ENOX1: variants seen among roughly 807,000 people sequenced by gnomAD.
ENOX1 encodes the protein ecto-NOX disulfide-thiol exchanger 1.
Under a neutral mutation model 82.5 loss-of-function variants are expected in ENOX1, and 42 were observed. The ratio of observed to expected loss-of-function variants is 0.51; its 90% confidence interval spans 0.40 to 0.66. The LOEUF is 0.66. Ranked by LOEUF, ENOX1 falls within the 30% of genes least tolerant of loss-of-function variation. ENOX1 has a pLI of 0.00. For synonymous variants in ENOX1, 271 were observed against 282.2 expected, an observed-to-expected ratio of 0.96 and a Z score of 0.40; for missense variants, 608 against 811.6, an observed-to-expected ratio of 0.75 and a Z score of 3.05.
chr13:43,283,673 C>T (rs2045530747), intron 12 of ENOX1, among the ~76,000 whole-genome samples: 1 of 150,076 alleles, frequency 6.7e-6, no homozygotes. Flanking sequence ...TGGTCTCAAA[C>T]TCCTGGGCTC....
intron 13 of ENOX1, among the ~76,000 whole-genome samples, 158 bp from the exon 14 acceptor site, chr13:43,265,612 T>C (rs898619611): frequency 6.6e-6 from 1 of 152,266 alleles, no homozygotes; most frequent in Non-Finnish European, 1.5e-5. Flanking sequence ...ATGAGCCTTA[T>C]TGGAGCCAGT....
intron 5 of ENOX1, among the ~76,000 whole-genome samples, chr13:43,373,756 C>T (rs956932021): frequency 1.3e-5 from 2 of 152,236 alleles, no homozygotes; most frequent in African/African-American, 4.8e-5. Flanking sequence ...CCAACCCATA[C>T]TCCCCCATAG....
chr13:43,498,457 C>T (rs544403715), intron 2 of ENOX1, among the ~76,000 whole-genome samples: 5 of 152,014 alleles, frequency 3.3e-5, no homozygotes, highest in South Asian at 2.1e-4. Context: ...AACCTTAAAG[C>T]GCTTCCAATG....
At chr13:43,323,588 C>A (rs1306480212) in intron 10 of ENOX1, among the ~76,000 whole-genome samples, 1 of 152,080 alleles carries the variant, frequency 6.6e-6, no homozygotes, top group African/African-American at 2.4e-5. Flanking sequence ...TTTGTGAATT[C>A]TTCCTTATTC....
At chr13:43,284,466 G>A (rs772509560) in intron 12 of ENOX1, among the ~76,000 whole-genome samples, 1 of 152,094 alleles carries the variant, frequency 6.6e-6, no homozygotes, top group Admixed American at 6.6e-5. Context: ...GCTGGCCAAC[G>A]AAAGCCACTC....
intron 12 of ENOX1, among the ~76,000 whole-genome samples, chr13:43,272,453 G>C (rs898447114): frequency 6.6e-6 from 1 of 152,172 alleles, no homozygotes; most frequent in Admixed American, 6.5e-5. Context: ...GTGTGTAAGA[G>C]CTGCTGTGCT....
chr13:43,474,376 T>G (rs1300498581), intron 3 of ENOX1, among the ~76,000 whole-genome samples: 2 of 152,152 alleles, frequency 1.3e-5, no homozygotes, highest in Non-Finnish European at 2.9e-5. Context: ...CAAGCATCCT[T>G]GAGACTCTTT....
chr13:43,253,801 A>ATCT (rs10683733), intron 14 of ENOX1, among the ~76,000 whole-genome samples: 147,299 of 152,020 alleles, frequency 0.97, 71,547 homozygotes, highest in East Asian at 1. Flanking sequence ...CACTAGGGTA[A>ATCT]TCTGCTTCTG....
At chr13:43,572,103 A>T (rs1462157258) in intron 2 of ENOX1, among the ~76,000 whole-genome samples, 1 of 152,220 alleles carries the variant, frequency 6.6e-6, no homozygotes, top group Non-Finnish European at 1.5e-5. Context: ...ATATATATAT[A>T]CACATACATA....
chr13:43,571,850 C>T (rs2325044), intron 2 of ENOX1, among the ~76,000 whole-genome samples: 58,392 of 151,980 alleles, frequency 0.38, 11,970 homozygotes, highest in East Asian at 0.76. Flanking sequence ...CTCTACACGT[C>T]TGTTTGCTAT....
At chr13:43,460,406 G>A (rs943249710) in intron 3 of ENOX1, among the ~76,000 whole-genome samples, 15 of 152,082 alleles carry the variant, frequency 9.9e-5, no homozygotes, top group African/African-American at 3.6e-4. Flanking sequence ...AACCACCTCT[G>A]TGGTATCCAA....
chr13:43,751,414 T>G (rs1012863012), intron 1 of ENOX1, among the ~76,000 whole-genome samples: 1 of 152,194 alleles, frequency 6.6e-6, no homozygotes, highest in East Asian at 1.9e-4. Flanking sequence ...CACTTTAAAG[T>G]GTACAATTTC....
At chr13:43,418,111 C>T (rs866015354) in intron 3 of ENOX1, among the ~76,000 whole-genome samples, 92 of 151,986 alleles carry the variant, frequency 6.1e-4, no homozygotes, top group African/African-American at 2.1e-3. Flanking sequence ...CAGGAGGCTA[C>T]GACAGGAGAA....
At chr13:43,577,329 G>A (rs931396005) in intron 2 of ENOX1, among the ~76,000 whole-genome samples, 3 of 151,892 alleles carry the variant, frequency 2.0e-5, no homozygotes, top group South Asian at 2.1e-4. Flanking sequence ...ATGGAGTTTC[G>A]CCATGTTGGC....
At chr13:43,491,492 G>A (rs114512854) in intron 2 of ENOX1, among the ~76,000 whole-genome samples, 2,210 of 152,300 alleles carry the variant, frequency 0.015, 55 homozygotes, top group African/African-American at 0.05. Context: ...AATAAGGCAG[G>A]GCACTGTGGC....
intron 2 of ENOX1, among the ~76,000 whole-genome samples, chr13:43,607,686 G>A (rs1306431093): frequency 3.3e-5 from 5 of 152,122 alleles, no homozygotes; most frequent in Admixed American, 2.0e-4. Context: ...AAAAACTGAA[G>A]CTCACAGAGG....
intron 2 of ENOX1, among the ~76,000 whole-genome samples, chr13:43,510,874 G>C (rs2077340961): frequency 4.6e-5 from 7 of 152,072 alleles, no homozygotes. Context: ...AAACGGGCTG[G>C]TACAAAGTAA....
rs190866361 is a variant in ENOX1 at position 43,565,516 on chromosome 13, G to C, written c.-218-81364C>G. 2.0e-5 allele frequency among the ~76,000 whole-genome samples: 3 copies of C among 152,250 alleles called. No homozygotes were observed. The East Asian group carries it at 5.8e-4, about 29-fold the overall frequency. ...GAGGAAGCCTTGGGATCAAGAGCCT[G>C]ATGTGAGGAAAGGGAAAGGACTAGG... On this transcript the variant is annotated intron_variant, in intron 2 of 16. Coordinates refer to ENST00000690772, the MANE Select transcript of ENOX1 (RefSeq NM_001347969.2).
chr13:43,626,933 A>G (rs2132352), intron 2 of ENOX1, among the ~76,000 whole-genome samples: 5,416 of 151,932 alleles, frequency 0.036, 302 homozygotes, highest in African/African-American at 0.12. Flanking sequence ...TCTCCTTTCT[A>G]TTCTATCAGT....
Sources: gnomAD v4.1 joint callset for allele counts (sites outside exome capture counted in the v4.1 genomes callset) on GRCh38, gnomAD v4.1.1 for gene constraint, MANE v1.5 for transcripts, NCBI Gene and HGNC (gene_info 2026-07-23, HGNC 2026-07-21) for gene names.